Variants in GRHL2 observed in about 807,000 individuals in gnomAD.
GRHL2 encodes grainyhead like transcription factor 2.
Under a neutral mutation model 83.8 loss-of-function variants are expected in GRHL2, and 21 were observed. The observed-to-expected ratio is 0.25, with a 90% CI of 0.18 to 0.36. The LOEUF (loss-of-function observed/expected upper bound fraction) is 0.36. Among genes scored for constraint, GRHL2 ranks in the 10% least tolerant of loss-of-function variants. The pLI is 1.00. For missense variants in GRHL2, 623 were observed against 781.8 expected, an observed-to-expected ratio of 0.80 and a Z score of 2.42; for synonymous variants, 280 against 278.9, an observed-to-expected ratio of 1.00 and a Z score of -0.04.
At chr8:101,665,129 A>G (rs1356454884) in intron 15 of GRHL2, among the ~76,000 whole-genome samples, 1 of 152,160 alleles carries the variant, frequency 6.6e-6, no homozygotes, top group Non-Finnish European at 1.5e-5. Flanking sequence ...AGCAAGCCAG[A>G]GGGGGCTTAA....
chr8:101,679,159 A>G, the GRHL2 span, among the ~76,000 whole-genome samples: 1 of 132,462 alleles, frequency 7.5e-6, no homozygotes, highest in Non-Finnish European at 1.6e-5. Context: ...CCAAAGGCAA[A>G]GAAGTGGAAA....
intron 11 of GRHL2, among the ~76,000 whole-genome samples, chr8:101,632,723 A>T (rs1178012373): frequency 2.0e-5 from 3 of 152,254 alleles, no homozygotes; most frequent in Non-Finnish European, 2.9e-5. Context: ...GTTGAACTGC[A>T]CCTGTAACTG....
intron 14 of GRHL2, among the ~76,000 whole-genome samples, chr8:101,659,907 A>T (rs968661979): frequency 6.6e-6 from 1 of 152,236 alleles, no homozygotes; most frequent in African/African-American, 2.4e-5. Context: ...GGAGTCGCTA[A>T]AGGAATTTGA....
At chr8:101,636,165 C>T (rs533497905) in intron 11 of GRHL2, among the ~76,000 whole-genome samples, 1 of 152,168 alleles carries the variant, frequency 6.6e-6, no homozygotes. Flanking sequence ...CAGCAGATGC[C>T]CTCTGGGTTT....
intron 7 of GRHL2, among the ~76,000 whole-genome samples, chr8:101,580,547 G>A (rs989335470): frequency 1.3e-5 from 2 of 151,938 alleles, no homozygotes; most frequent in Non-Finnish European, 2.9e-5. Flanking sequence ...GAGCCACTGC[G>A]CCTGGCCAAA....
chr8:101,599,232 C>A, intron 8 of GRHL2, 81 bp downstream of exon 8: 2 of 897,084 alleles, frequency 2.2e-6, no homozygotes, highest in Non-Finnish European at 3.7e-6. Flanking sequence ...AAGCCTGTAT[C>A]AGTAGCCTCC....
intron 7 of GRHL2, among the ~76,000 whole-genome samples, chr8:101,578,080 A>C (rs1397886178): frequency 6.6e-6 from 1 of 152,214 alleles, no homozygotes; most frequent in Non-Finnish European, 1.5e-5. Context: ...CGTTCTGTAG[A>C]GACCAGCAGC....
At chr8:101,575,757 T>C (rs1811921080) in intron 6 of GRHL2, among the ~76,000 whole-genome samples, 1 of 152,176 alleles carries the variant, frequency 6.6e-6, no homozygotes. Context: ...GACAAATAAA[T>C]ACCAGGAAGC....
the GRHL2 span, among the ~76,000 whole-genome samples, chr8:101,677,970 C>G: frequency 1.4e-4 from 21 of 152,112 alleles, no homozygotes; most frequent in African/African-American, 5.1e-4. Context: ...TACTGACTTA[C>G]AAAACATAAG....
intron 7 of GRHL2, among the ~76,000 whole-genome samples, chr8:101,580,657 A>G (rs1312786393): frequency 6.6e-6 from 1 of 152,216 alleles, no homozygotes; most frequent in Non-Finnish European, 1.5e-5. Context: ...ATAGAAACCC[A>G]AGAATGCCAA....
At chr8:101,512,296 A>T (rs892082991) in intron 1 of GRHL2, among the ~76,000 whole-genome samples, 1 of 152,152 alleles carries the variant, frequency 6.6e-6, no homozygotes, top group African/African-American at 2.4e-5. Flanking sequence ...ATGCATTCCT[A>T]TAAAAACAAA....
chr8:101,616,919 T>C (rs1206272695), intron 8 of GRHL2, among the ~76,000 whole-genome samples: 11 of 152,366 alleles, frequency 7.2e-5, no homozygotes. Flanking sequence ...TAGATCATCT[T>C]TTTTTAAAAG....
chr8:101,578,572 G>A (rs573747167), intron 7 of GRHL2, among the ~76,000 whole-genome samples: 2 of 152,200 alleles, frequency 1.3e-5, no homozygotes, highest in South Asian at 2.1e-4. Flanking sequence ...AGTAATGTAT[G>A]TGTTTCCAAA....
At chr8:101,536,683 A>T (rs2130100804) in intron 1 of GRHL2, among the ~76,000 whole-genome samples, 1 of 152,342 alleles carries the variant, frequency 6.6e-6, no homozygotes, top group Non-Finnish European at 1.5e-5. Flanking sequence ...CTGGGGACAG[A>T]TAATGATGAG....
At chr8:101,501,170 C>G (rs566125478) in intron 1 of GRHL2, among the ~76,000 whole-genome samples, 19 of 152,294 alleles carry the variant, frequency 1.2e-4, no homozygotes, top group African/African-American at 4.6e-4. Context: ...TTTGAATGGG[C>G]ATTCAGTGGA....
intron 1 of GRHL2, among the ~76,000 whole-genome samples, chr8:101,503,743 C>A (rs1042808958): frequency 6.6e-6 from 1 of 152,104 alleles, no homozygotes; most frequent in Non-Finnish European, 1.5e-5. Context: ...ACTATGCAAG[C>A]ATTACACATC....
intron 1 of GRHL2, among the ~76,000 whole-genome samples, chr8:101,501,316 C>T (rs767924588): frequency 2.0e-5 from 3 of 152,216 alleles, no homozygotes; most frequent in African/African-American, 7.2e-5. Flanking sequence ...AGATACCCTC[C>T]GGAACAGAAA....
chr8:101,552,920 A>G (rs904579631), intron 3 of GRHL2, 138 bp downstream of exon 3: 2 of 824,696 alleles, frequency 2.4e-6, no homozygotes, highest in Non-Finnish European at 4.0e-6. Flanking sequence ...GTCTGGACCA[A>G]TGCTAGATCT....
In GRHL2 at chr8:101,508,387, G is replaced by GCT. The variant is rs1810382878; in HGVS notation, c.20+15598_20+15599insCT. Among the ~76,000 whole-genome samples the GCT allele has an allele frequency of 8.7e-5, 3 of 34,408 alleles. No individual in the cohort carries two copies. The East Asian group carries it at 2.1e-3, about 25-fold the overall frequency. 22.6% of individuals were successfully genotyped at this position (34,408 alleles called of 152,430 possible). ...AATTGCATTTCTTTCCATTTACTCA[G>GCT]GTTTTTTTTTTTTTTTCATCACGGG... On this transcript the variant is annotated intron_variant, in intron 1 of 15. Coordinates refer to ENST00000646743, the MANE Select transcript of GRHL2 (RefSeq NM_024915.4).
Sources: allele counts gnomAD v4.1 joint callset (sites outside exome capture counted in the v4.1 genomes callset), GRCh38; gene constraint gnomAD v4.1.1; transcripts MANE v1.5; gene names NCBI Gene and HGNC (gene_info 2026-07-23, HGNC 2026-07-21).